PRKN: variants seen among roughly 807,000 people sequenced by gnomAD.
PRKN encodes the protein parkin RBR E3 ubiquitin protein ligase, also known as E3 ubiquitin-protein ligase parkin.
In PRKN, 56 loss-of-function variants were observed where a neutral mutation model predicts 59.5. The observed-to-expected ratio is 0.94, with a 90% CI of 0.76 to 1.18. The LOEUF is 1.18. Among genes scored for constraint, PRKN ranks in the 50% most tolerant of loss-of-function variants. The pLI is 0.00. For synonymous variants in PRKN, 250 were observed against 222.1 expected (o/e 1.13, Z -1.12); for missense variants, 657 against 596.4 (o/e 1.10, Z -1.06).
intron 6 of PRKN, among the ~76,000 whole-genome samples, chr6:161,856,181 G>A (rs535118022): frequency 2.5e-4 from 38 of 152,124 alleles, no homozygotes; most frequent in African/African-American, 8.7e-4. Context: ...TCAACACGGT[G>A]AAACCCAGTC....
In PRKN at chr6:161,499,547, T is replaced by C. The variant is rs897859916; in HGVS notation, c.1083+49307A>G. Among the ~76,000 whole-genome samples the C allele has an allele frequency of 6.6e-6, 1 of 152,142 alleles. No individual in the cohort carries two copies. Among genetic ancestry groups the C allele is most frequent in the Non-Finnish European group, 1.5e-5 (1 of 68,038 alleles). On this transcript the variant is annotated intron_variant, in intron 9 of 11. Transcript: ENST00000366898. The surrounding 1 kb of genome is among the most constrained non-coding windows in gnomAD (Gnocchi z 4.2). ...TCTCTTCTAGCCTCTTGCATCTACC[T>C]CTATGGTTTGACTTCTGAAAATGTG...
At chr6:161,485,945 T>C (rs1288001341) in intron 9 of PRKN, among the ~76,000 whole-genome samples, 1 of 152,094 alleles carries the variant, frequency 6.6e-6, no homozygotes, top group Non-Finnish European at 1.5e-5. Context: ...ACTGTAAGAT[T>C]CTATTAGGCT....
chr6:161,431,082 C>T (rs573548404), intron 9 of PRKN, among the ~76,000 whole-genome samples: 8 of 147,494 alleles, frequency 5.4e-5, no homozygotes, highest in Admixed American at 2.1e-4. Flanking sequence ...GAGGTTGAAA[C>T]GAGTCGAGAT....
At chr6:162,541,662 A>T (rs1162778058) in intron 1 of PRKN, among the ~76,000 whole-genome samples, 1 of 152,188 alleles carries the variant, frequency 6.6e-6, no homozygotes, top group Admixed American at 6.5e-5. Flanking sequence ...CACATTTCTG[A>T]ATCCCTGATA....
chr6:162,132,236 A>G (rs1781392386), intron 4 of PRKN, among the ~76,000 whole-genome samples: 1 of 152,134 alleles, frequency 6.6e-6, no homozygotes, highest in Non-Finnish European at 1.5e-5. Context: ...TTGGTGTTGG[A>G]TTGCAGATTC....
At position 161,408,787 on chromosome 6, in the gene PRKN, C is replaced by T. The variant is rs115850312; in HGVS notation, c.1084-21910G>A. Among the ~76,000 whole-genome samples, 521 of 152,108 alleles carry T rather than the reference C, an allele frequency of 3.4e-3. 4 individuals are homozygous for T. The highest frequency in any genetic ancestry group is 0.012 in the African/African-American group (499 of 41,482). On this transcript the variant is annotated intron_variant, in intron 9 of 11. Coordinates refer to ENST00000366898, the MANE Select transcript of PRKN (RefSeq NM_004562.3). ...ATTAAAAAAGAATCCACAATGACAT[C>T]TCTTTTCATTATTTCATTAAAATAA...
intron 1 of PRKN, among the ~76,000 whole-genome samples, chr6:162,632,413 A>G (rs537954372): frequency 3.3e-5 from 5 of 152,324 alleles, no homozygotes; most frequent in Admixed American, 3.3e-4. Context: ...GGAACAAAAA[A>G]AAGAAATACT....
At chr6:161,589,831 G>A (rs1040377482) in intron 7 of PRKN, among the ~76,000 whole-genome samples, 7 of 144,630 alleles carry the variant, frequency 4.8e-5, no homozygotes, top group Non-Finnish European at 1.0e-4. Flanking sequence ...CCAGGCTGGT[G>A]TGTAGTGGTG....
chr6:161,408,482 CT>C (rs11313718), intron 9 of PRKN, among the ~76,000 whole-genome samples: 22,454 of 132,980 alleles, frequency 0.17, 1,839 homozygotes, highest in Admixed American at 0.26. Context: ...CTAGGTTTTC[CT>C]TTTTTTTTTT....
At chr6:161,587,362 A>G (rs1562543293) in intron 7 of PRKN, among the ~76,000 whole-genome samples, 1 of 152,236 alleles carries the variant, frequency 6.6e-6, no homozygotes, top group Non-Finnish European at 1.5e-5. Context: ...CTAAATTTCC[A>G]GTATAGTTTA....
intron 6 of PRKN, among the ~76,000 whole-genome samples, chr6:161,848,522 G>A (rs929017937): frequency 1.3e-5 from 2 of 151,818 alleles, no homozygotes; most frequent in African/African-American, 2.4e-5. Context: ...ATCTGATTTC[G>A]TTTGATAAAA....
intron 6 of PRKN, among the ~76,000 whole-genome samples, chr6:161,824,125 C>A (rs928682342): frequency 2.6e-5 from 4 of 152,206 alleles, no homozygotes; most frequent in Non-Finnish European, 2.9e-5. Context: ...ATCCTCCTCG[C>A]ACAGACTGTG....
intron 2 of PRKN, among the ~76,000 whole-genome samples, chr6:162,441,549 A>G (rs1037749993): frequency 7.9e-5 from 12 of 152,150 alleles, no homozygotes; most frequent in Non-Finnish European, 1.2e-4. Context: ...ATATTCTTAT[A>G]TTATAGCTAT....
At chr6:162,007,284 C>T (rs78477696) in intron 5 of PRKN, among the ~76,000 whole-genome samples, 24,511 of 151,948 alleles carry the variant, frequency 0.16, 2,069 homozygotes, top group South Asian at 0.25. Context: ...GACTATATGA[C>T]GTTTTAAAAA....
chr6:162,609,991 T>C (rs533122483), intron 1 of PRKN, among the ~76,000 whole-genome samples: 2 of 152,342 alleles, frequency 1.3e-5, no homozygotes, highest in African/African-American at 4.8e-5. Flanking sequence ...GCATTTTCCA[T>C]AGTGATACTT....
chr6:162,572,556 G>A (rs186231526), intron 1 of PRKN, among the ~76,000 whole-genome samples: 100 of 152,280 alleles, frequency 6.6e-4, no homozygotes, highest in Non-Finnish European at 1.5e-5. Context: ...TCACTAGAGA[G>A]AGCAAAACGT....
chr6:162,228,305 T>G (rs1778274649), intron 3 of PRKN, among the ~76,000 whole-genome samples: 1 of 152,150 alleles, frequency 6.6e-6, no homozygotes, highest in African/African-American at 2.4e-5. Context: ...GTATATTTTG[T>G]GGAAAATAGA....
At chr6:162,306,362 G>T (rs1347903306) in intron 2 of PRKN, among the ~76,000 whole-genome samples, 1 of 152,178 alleles carries the variant, frequency 6.6e-6, no homozygotes, top group Non-Finnish European at 1.5e-5. Context: ...TAAATGATCA[G>T]CTGGTGTTAA....
chr6:162,105,529 G>C (rs949379965), intron 4 of PRKN, among the ~76,000 whole-genome samples: 2 of 152,138 alleles, frequency 1.3e-5, no homozygotes, highest in Non-Finnish European at 2.9e-5. Flanking sequence ...AGCCTCCGAA[G>C]TAGCTGGGAC....
Sources: allele counts gnomAD v4.1 joint callset (sites outside exome capture counted in the v4.1 genomes callset), GRCh38; gene constraint gnomAD v4.1.1; non-coding constraint Gnocchi (gnomAD v3.1); transcripts MANE v1.5; gene names NCBI Gene and HGNC (gene_info 2026-07-23, HGNC 2026-07-21).